SEMA5A: variants seen among roughly 807,000 people sequenced by gnomAD.
SEMA5A encodes the protein semaphorin-5A.
Under a neutral mutation model 135.5 loss-of-function variants are expected in SEMA5A, and 55 were observed. That is an observed-to-expected ratio of 0.41 (90% CI 0.33 to 0.51). The LOEUF (loss-of-function observed/expected upper bound fraction) is 0.51. Ranked by LOEUF, SEMA5A falls within the 20% of genes least tolerant of loss-of-function variation. The probability of loss-of-function intolerance (pLI) is 0.37; values close to 1 mark genes in which losing one functional copy is unlikely to be tolerated. For missense variants in SEMA5A, 1,290 were observed against 1,419.9 expected (o/e 0.91, Z 1.47); for synonymous variants, 580 against 546.5 (o/e 1.06, Z -0.85).
chr5:9,063,118 C>T lies in SEMA5A; in HGVS notation c.2300-13G>A, dbSNP rs983875388. 8.1e-6 allele frequency: 13 copies of T among 1,602,470 alleles called. No individual in the cohort carries two copies. Among genetic ancestry groups the T allele is most frequent in the Non-Finnish European group, 1.1e-5 (13 of 1,173,610 alleles). On this transcript the variant is annotated splice_polypyrimidine_tract_variant and intron_variant, in intron 17 of 22. Transcript: ENST00000382496. ...TCCCCAGAAAGCCCTGCCAAGGAAA[C>T]AGGTGAAGTGTGATTCTGTTACAAG...
At chr5:9,343,514 T>G (rs1205364298) in intron 3 of SEMA5A, among the ~76,000 whole-genome samples, 1 of 152,112 alleles carries the variant, frequency 6.6e-6, no homozygotes, top group Non-Finnish European at 1.5e-5. Flanking sequence ...GAAGTTCTTT[T>G]TTCTGACCTC....
chr5:9,305,728 T>TATATATATATATGTGTATATATATATA (rs1287444762), intron 5 of SEMA5A, among the ~76,000 whole-genome samples: 1 of 94,996 alleles, frequency 1.1e-5, no homozygotes, highest in African/African-American at 4.0e-5. Context: ...ATATATATAT[T>TATATATATATATGTGTATATATATATA]TACACGCACA....
chr5:9,120,474 ATAT>A (rs1162109136), intron 14 of SEMA5A, among the ~76,000 whole-genome samples: 2 of 152,108 alleles, frequency 1.3e-5, no homozygotes, highest in African/African-American at 2.4e-5. Flanking sequence ...TTTATGTATG[ATAT>A]TATAATAAAC....
intron 9 of SEMA5A, among the ~76,000 whole-genome samples, chr5:9,201,285 T>C (rs531833482): frequency 6.6e-6 from 1 of 152,298 alleles, no homozygotes; most frequent in African/African-American, 2.4e-5. Context: ...GATACTCCAC[T>C]AGATTAAGAG....
intron 1 of SEMA5A, among the ~76,000 whole-genome samples, chr5:9,531,077 T>A (rs1455844529): frequency 3.3e-5 from 5 of 152,126 alleles, no homozygotes; most frequent in Admixed American, 6.5e-5. Context: ...AGATGAATAA[T>A]GTGGGTTTTG....
rs562983990 is a variant in SEMA5A at position 9,312,433 on chromosome 5, T to C, written c.270+5939A>G. On this transcript the variant is annotated intron_variant, in intron 5 of 22. Transcript: ENST00000382496. ...AAGTTAACATTTGATTCTCTAGTCA[T>C]TGATGATAAACAGGTTTTATTTTCT... Among the ~76,000 whole-genome samples the C allele has an allele frequency of 3.9e-5, 6 of 152,176 alleles. No individual in the cohort carries two copies. In the South Asian group the frequency reaches 1.2e-3, roughly 32 times the overall value.
intron 2 of SEMA5A, among the ~76,000 whole-genome samples, chr5:9,387,076 G>T (rs965070643): frequency 6.6e-6 from 1 of 152,220 alleles, no homozygotes; most frequent in Non-Finnish European, 1.5e-5. Flanking sequence ...TGAGATCAAA[G>T]GTGCAGTGAC....
intron 2 of SEMA5A, among the ~76,000 whole-genome samples, chr5:9,385,729 TAC>T (rs1221486279): frequency 3.3e-5 from 5 of 151,486 alleles, no homozygotes; most frequent in African/African-American, 1.2e-4. Context: ...TAGGAACAGT[TAC>T]AGATTGTCAT....
At chr5:9,097,001 T>C in intron 16 of SEMA5A, among the ~76,000 whole-genome samples, 1 of 152,152 alleles carries the variant, frequency 6.6e-6, no homozygotes, top group South Asian at 2.1e-4. Flanking sequence ...GATATATTAA[T>C]TTGTTCCACT....
At chr5:9,482,312 T>G (rs1391947706) in intron 1 of SEMA5A, among the ~76,000 whole-genome samples, 1 of 152,020 alleles carries the variant, frequency 6.6e-6, no homozygotes, top group African/African-American at 2.4e-5. Context: ...AATTATGGGG[T>G]CTGAGATCAG....
intron 21 of SEMA5A, among the ~76,000 whole-genome samples, chr5:9,044,910 G>T (rs137865289): frequency 4.6e-5 from 7 of 151,866 alleles, no homozygotes; most frequent in African/African-American, 1.5e-4. Context: ...TCAGCCTCCC[G>T]AGTAGCTTGG....
intron 18 of SEMA5A, among the ~76,000 whole-genome samples, chr5:9,058,579 A>G (rs184109521): frequency 3.9e-4 from 59 of 152,366 alleles, no homozygotes; most frequent in African/African-American, 1.4e-3. Flanking sequence ...GAAGAGGATA[A>G]CATTCTTGTT....
Position 9,407,781 on chromosome 5 carries a change from G to A in SEMA5A, c.-77-27758C>T, listed in dbSNP as rs187419443. 7.7e-4 allele frequency among the ~76,000 whole-genome samples: 117 copies of A among 152,238 alleles called. No homozygotes were observed. In the East Asian group the frequency reaches 0.017, roughly 22 times the overall value. ...TCCTTATCAGTTGATGCAGTGGCCTGCCAGATTCCTTTAAGCTCTGGATGG... is the reference window on the plus strand; with the variant it reads ...TCCTTATCAGTTGATGCAGTGGCCTACCAGATTCCTTTAAGCTCTGGATGG... On this transcript the variant is annotated intron_variant, in intron 2 of 22. Coordinates refer to ENST00000382496, the MANE Select transcript of SEMA5A (RefSeq NM_003966.3).
intron 5 of SEMA5A, among the ~76,000 whole-genome samples, chr5:9,256,594 C>T (rs1162973342): frequency 6.6e-6 from 1 of 152,200 alleles, no homozygotes; most frequent in African/African-American, 2.4e-5. Context: ...GCACACTTAC[C>T]AGTTTCTAAC....
chr5:9,197,244 A>G lies in SEMA5A; in HGVS notation c.992T>C (p.Phe331Ser), dbSNP rs1333908878. The change falls in exon 10 of 23, where the codon TTC becomes TCC. Residue 331 changes from phenylalanine (F) to serine (S), a missense_variant. By Grantham distance (155) the Phe-to-Ser change is radical. Coordinates refer to ENST00000382496, the MANE Select transcript of SEMA5A (RefSeq NM_003966.3). ...VFNLSAIAQAFSGPFKYQENS... is the reference protein window; with the variant it reads ...VFNLSAIAQASSGPFKYQENS... ...TTCTTGGTACTTGAAGGGCCCAGAG[A>G]AGGCCTGCGCGATGGCGCTCAGGTT... 1 of 1,614,190 alleles carries G rather than the reference A, an allele frequency of 6.2e-7. No individual in the cohort carries two copies. Among genetic ancestry groups the G allele is most frequent in the Non-Finnish European group, 8.5e-7 (1 of 1,180,028 alleles).
chr5:9,484,986 G>A (rs978456024), intron 1 of SEMA5A, among the ~76,000 whole-genome samples: 4 of 152,086 alleles, frequency 2.6e-5, no homozygotes, highest in African/African-American at 4.8e-5. Context: ...GAGAAACATC[G>A]AGTATTTTTG....
At chr5:9,046,432 T>G (rs1736258335) in intron 21 of SEMA5A, among the ~76,000 whole-genome samples, 1 of 152,148 alleles carries the variant, frequency 6.6e-6, no homozygotes, top group South Asian at 2.1e-4. Flanking sequence ...GTGCTCATGA[T>G]CCTCCCTACC....
At chr5:9,133,190 C>G (rs566561763) in intron 13 of SEMA5A, among the ~76,000 whole-genome samples, 1 of 152,234 alleles carries the variant, frequency 6.6e-6, no homozygotes, top group Non-Finnish European at 1.5e-5. Flanking sequence ...AAGAAAATTA[C>G]ATTTCAATAG....
At chr5:9,139,450 T>C (rs1424207214) in intron 12 of SEMA5A, among the ~76,000 whole-genome samples, 1 of 152,202 alleles carries the variant, frequency 6.6e-6, no homozygotes, top group African/African-American at 2.4e-5. Context: ...AAAGCTGGTA[T>C]ATGAAAAAAA....
Sources: allele counts gnomAD v4.1 joint callset (sites outside exome capture counted in the v4.1 genomes callset), GRCh38; gene constraint gnomAD v4.1.1; transcripts MANE v1.5; gene names NCBI Gene and HGNC (gene_info 2026-07-23, HGNC 2026-07-21).